The following DMGDH variants were observed in gnomAD, a reference collection of about 807,000 sequenced individuals.
The protein encoded by DMGDH is dimethylglycine dehydrogenase, mitochondrial.
A neutral mutation model predicts 95.2 loss-of-function variants in DMGDH; 76 were observed. That is an observed-to-expected ratio of 0.80 (90% CI 0.66 to 0.97). DMGDH has a LOEUF of 0.97. DMGDH is among the 50% of genes least tolerant of loss of function. The pLI, the probability that DMGDH is intolerant of heterozygous loss-of-function variation, is 0.00. For synonymous variants in DMGDH, 345 were observed against 377.6 expected, an observed-to-expected ratio of 0.91 and a Z score of 1.00; for missense variants, 987 against 1,055.0, an observed-to-expected ratio of 0.94 and a Z score of 0.89.
intron 14 of DMGDH, chr5:79,021,367 G>C: frequency 2.6e-6 from 3 of 1,163,738 alleles, no homozygotes; most frequent in Non-Finnish European, 3.2e-6. Flanking sequence ...AGATCTATGG[G>C]TTAGCAAGGT....
At chr5:79,058,906 C>A (rs1755112117) in intron 2 of DMGDH, among the ~76,000 whole-genome samples, 1 of 152,182 alleles carries the variant, frequency 6.6e-6, no homozygotes, top group Non-Finnish European at 1.5e-5. Flanking sequence ...ACAAACCTCT[C>A]CCTCTCTCAG....
At chr5:79,020,838 A>G (rs973675540) in intron 14 of DMGDH, 14 of 985,332 alleles carry the variant, frequency 1.4e-5, no homozygotes, top group Non-Finnish European at 1.7e-5. Flanking sequence ...TCAACACATT[A>G]CGTTTAATAC....
intron 7 of DMGDH, among the ~76,000 whole-genome samples, chr5:79,041,369 G>T (rs1754501709): frequency 6.6e-6 from 1 of 152,214 alleles, no homozygotes; most frequent in Non-Finnish European, 1.5e-5. Flanking sequence ...AAGAAAAATA[G>T]AATATTAGAA....
At chr5:79,057,937 G>A (rs1755080184) in intron 2 of DMGDH, among the ~76,000 whole-genome samples, 1 of 152,074 alleles carries the variant, frequency 6.6e-6, no homozygotes, top group South Asian at 2.1e-4. Flanking sequence ...TCTACACTAC[G>A]CAATCCTCTT....
chr5:79,020,753 GAA>G (rs1453696253), intron 14 of DMGDH: 1 of 984,356 alleles, frequency 1.0e-6, no homozygotes, highest in South Asian at 4.7e-5. Context: ...GAGAAAAAGG[GAA>G]AGAGAGGGAG....
chr5:79,010,659 T>C (rs566442707), intron 14 of DMGDH, among the ~76,000 whole-genome samples: 11 of 152,212 alleles, frequency 7.2e-5, no homozygotes, highest in Non-Finnish European at 1.6e-4. Context: ...TTGTTTGCAT[T>C]TCTGCCTCCA....
chr5:79,066,889 G>A (rs1755398347), intron 1 of DMGDH, among the ~76,000 whole-genome samples: 1 of 151,990 alleles, frequency 6.6e-6, no homozygotes, highest in African/African-American at 2.4e-5. Flanking sequence ...AAATATCCTG[G>A]TCCTTATCAA....
chr5:79,018,233 G>T (rs1291796397), intron 14 of DMGDH, among the ~76,000 whole-genome samples: 1 of 152,070 alleles, frequency 6.6e-6, no homozygotes, highest in Non-Finnish European at 1.5e-5. Flanking sequence ...GGAGATGGAA[G>T]TCTCACTATG....
Position 79,028,471 on chromosome 5 carries a change from G to C in DMGDH, c.1994C>G (p.Ser665Cys). The change falls in exon 12 of 16, where the codon TCC becomes TGC. Residue 665 changes from serine (S) to cysteine (C), a missense_variant. Physicochemically the swap from Ser to Cys is moderately radical, Grantham distance 112. Transcript: ENST00000255189. Reference sequence around the variant, plus strand: ...CCTAATAGCAGTGACAGGAATGTTGGAAACCTTTAAGGACTTGGTTTGAAG... The same window carrying C: ...CCTAATAGCAGTGACAGGAATGTTGCAAACCTTTAAGGACTTGGTTTGAAG... The part of the protein sequence containing the change: ...KFLQTKSLKV[S>C]NIPVTAIRIS... 1 of 1,614,034 alleles carries C rather than the reference G, an allele frequency of 6.2e-7. No individual in the cohort carries two copies. Among genetic ancestry groups the C allele is most frequent in the Non-Finnish European group, 8.5e-7 (1 of 1,179,950 alleles).
chr5:79,054,607 A>G (rs1031739911), intron 3 of DMGDH, among the ~76,000 whole-genome samples: 10 of 152,220 alleles, frequency 6.6e-5, no homozygotes, highest in Admixed American at 4.6e-4. Context: ...GACTCTGCCT[A>G]AGTGGAATTT....
At chr5:79,063,499 A>G in intron 2 of DMGDH, 114 bp downstream of exon 2, 1 of 1,216,914 alleles carries the variant, frequency 8.2e-7, no homozygotes, top group African/African-American at 1.5e-5. Flanking sequence ...TTCCAACGCT[A>G]TTGAAGGGGA....
At chr5:79,000,991 C>T (rs375206493) in intron 15 of DMGDH, 8 of 703,134 alleles carry the variant, frequency 1.1e-5, no homozygotes, top group East Asian at 1.0e-4. Context: ...TCATCTATAT[C>T]GTAGCTAATT....
At chr5:79,020,991 A>C in intron 14 of DMGDH, 1 of 985,470 alleles carries the variant, frequency 1.0e-6, no homozygotes, top group Non-Finnish European at 1.2e-6. Flanking sequence ...CATTTCTTCC[A>C]TCTCCAACTA....
chr5:79,044,585 C>A (rs1180755203), intron 5 of DMGDH, 33 bp from the exon 6 acceptor site: 1 of 1,611,760 alleles, frequency 6.2e-7, no homozygotes, highest in East Asian at 2.2e-5. Flanking sequence ...AAGTGTCAGC[C>A]CATATATAAA....
At chr5:79,053,850 A>G (rs897825968) in intron 4 of DMGDH, among the ~76,000 whole-genome samples, 1 of 152,182 alleles carries the variant, frequency 6.6e-6, no homozygotes, top group Admixed American at 6.5e-5. Flanking sequence ...GACATTTATC[A>G]TATCAGGTTA....
At chr5:79,021,360 T>G in intron 14 of DMGDH, 1 of 1,154,902 alleles carries the variant, frequency 8.7e-7, no homozygotes, top group Non-Finnish European at 1.1e-6. Context: ...AACATTTAGA[T>G]CTATGGGTTA....
chr5:79,006,259 C>T (rs977844700), intron 14 of DMGDH, among the ~76,000 whole-genome samples: 3 of 151,460 alleles, frequency 2.0e-5, no homozygotes, highest in African/African-American at 4.8e-5. Flanking sequence ...TGGAAGACTT[C>T]GCACTTACTG....
chr5:79,007,003 T>C (rs1267522563), intron 14 of DMGDH, among the ~76,000 whole-genome samples: 6 of 152,182 alleles, frequency 3.9e-5, no homozygotes, highest in Admixed American at 6.5e-5. Context: ...AAAATGAACA[T>C]CCAATTCTTT....
chr5:79,001,977 T>A (rs1011845870), intron 15 of DMGDH, among the ~76,000 whole-genome samples: 4 of 152,242 alleles, frequency 2.6e-5, no homozygotes, highest in Non-Finnish European at 4.4e-5. Flanking sequence ...CAGTGAACTG[T>A]GAGAACAATC....
Sources: gnomAD v4.1 joint callset for allele counts (sites outside exome capture counted in the v4.1 genomes callset) on GRCh38, gnomAD v4.1.1 for gene constraint, MANE v1.5 for transcripts, NCBI Gene and HGNC (gene_info 2026-07-23, HGNC 2026-07-21) for gene names.